The following DLG1 variants were observed in gnomAD, a reference collection of about 807,000 sequenced individuals.
DLG1 encodes disks large homolog 1.
DLG1 carries 42 observed loss-of-function variants against 123.4 expected under a neutral mutation model. The observed-to-expected ratio is 0.34, with a 90% confidence interval of 0.27 to 0.44. The LOEUF (loss-of-function observed/expected upper bound fraction) is 0.44, where lower values mean the gene tolerates loss of function less well. Among genes scored for constraint, DLG1 ranks in the 20% least tolerant of loss-of-function variants. The pLI is 1.00. For synonymous variants in DLG1, 317 were observed against 356.2 expected, an observed-to-expected ratio of 0.89 and a Z score of 1.24; for missense variants, 942 against 1,082.6, an observed-to-expected ratio of 0.87 and a Z score of 1.82.
intron 4 of DLG1, among the ~76,000 whole-genome samples, chr3:197,237,046 C>A (rs1283101428): frequency 6.6e-6 from 1 of 152,032 alleles, no homozygotes; most frequent in African/African-American, 2.4e-5. Context: ...AGCTCCTGCT[C>A]AGATCAGAAT....
chr3:197,071,867 T>C (rs540280369), intron 18 of DLG1, among the ~76,000 whole-genome samples: 5 of 152,294 alleles, frequency 3.3e-5, no homozygotes, highest in South Asian at 2.1e-4. Context: ...AGAAAACTAA[T>C]TGGCAATAGC....
intron 6 of DLG1, among the ~76,000 whole-genome samples, chr3:197,144,205 G>A (rs187300907): frequency 6.6e-6 from 1 of 152,192 alleles, no homozygotes; most frequent in Non-Finnish European, 1.5e-5. Flanking sequence ...TGGCACAAAT[G>A]ATGCTGTGTG....
intron 13 of DLG1, among the ~76,000 whole-genome samples, chr3:197,114,879 C>G (rs1467332939): frequency 6.7e-6 from 1 of 149,806 alleles, no homozygotes; most frequent in Non-Finnish European, 1.5e-5. Context: ...ACTAGGGAAG[C>G]TGAGGCAGGA....
intron 5 of DLG1, chr3:197,183,782 T>A (rs749799761): frequency 2.6e-6 from 4 of 1,550,198 alleles, no homozygotes; most frequent in South Asian, 2.4e-5. Context: ...AGTATAGAAG[T>A]GTGTTGTTTC....
intron 4 of DLG1, among the ~76,000 whole-genome samples, chr3:197,265,338 AGACT>A (rs1761211837): frequency 6.6e-6 from 1 of 152,194 alleles, no homozygotes; most frequent in Non-Finnish European, 1.5e-5. Flanking sequence ...ATAAAAAAAA[AGACT>A]GACTTTCAGA....
chr3:197,173,858 C>A (rs1053550213), intron 5 of DLG1, among the ~76,000 whole-genome samples: 1 of 152,162 alleles, frequency 6.6e-6, no homozygotes, highest in African/African-American at 2.4e-5. Context: ...AATCCCAACA[C>A]TTTGGGAGGC....
At chr3:197,179,667 T>C (rs1809059524) in intron 5 of DLG1, among the ~76,000 whole-genome samples, 3 of 152,210 alleles carry the variant, frequency 2.0e-5, no homozygotes, top group Non-Finnish European at 4.4e-5. Flanking sequence ...GATGCTGTCC[T>C]AAGTACTTTA....
chr3:197,187,837 C>A (rs566259019), intron 5 of DLG1, among the ~76,000 whole-genome samples: 4 of 152,102 alleles, frequency 2.6e-5, no homozygotes, highest in Admixed American at 6.6e-5. Flanking sequence ...TCCTTCTCTT[C>A]GACATTAAGA....
chr3:197,235,709 A>T (rs1745624740), intron 4 of DLG1, among the ~76,000 whole-genome samples: 1 of 152,234 alleles, frequency 6.6e-6, no homozygotes, highest in Non-Finnish European at 1.5e-5. Context: ...GTACTTAGGA[A>T]CACTCAATTA....
chr3:197,198,380 T>C (rs2150302327), intron 4 of DLG1, among the ~76,000 whole-genome samples: 1 of 150,696 alleles, frequency 6.6e-6, no homozygotes, highest in Admixed American at 6.7e-5. Flanking sequence ...CCCAACTACT[T>C]GGGAGGCTGA....
intron 6 of DLG1, among the ~76,000 whole-genome samples, chr3:197,146,730 T>G (rs1465749268): frequency 6.6e-6 from 1 of 152,192 alleles, no homozygotes; most frequent in Non-Finnish European, 1.5e-5. Flanking sequence ...TTCTAAACAT[T>G]GGCTTAGGCA....
At chr3:197,147,034 A>G (rs1160245509) in intron 6 of DLG1, among the ~76,000 whole-genome samples, 1 of 152,238 alleles carries the variant, frequency 6.6e-6, no homozygotes, top group East Asian at 1.9e-4. Flanking sequence ...GCTGACAAGC[A>G]TATGGAAAAG....
chr3:197,067,837 G>T (rs544049891), intron 19 of DLG1, among the ~76,000 whole-genome samples: 11 of 152,192 alleles, frequency 7.2e-5, no homozygotes, highest in Non-Finnish European at 1.3e-4. Context: ...GATTACAGGC[G>T]TGAGCCGCCG....
intron 5 of DLG1, among the ~76,000 whole-genome samples, chr3:197,187,248 T>C (rs999123569): frequency 3.3e-5 from 5 of 152,190 alleles, no homozygotes; most frequent in Admixed American, 1.3e-4. Context: ...TTTCTATATG[T>C]TCCAGAGATG....
At chr3:197,209,153 G>A (rs1042692087) in intron 4 of DLG1, among the ~76,000 whole-genome samples, 3 of 146,086 alleles carry the variant, frequency 2.1e-5, no homozygotes, top group East Asian at 3.9e-4. Flanking sequence ...CATGCAAAGC[G>A]AGAGATATAC....
chr3:197,087,365 C>A (rs1304600248), intron 15 of DLG1, among the ~76,000 whole-genome samples: 1 of 146,770 alleles, frequency 6.8e-6, no homozygotes, highest in African/African-American at 2.5e-5. Context: ...ATTAGAAATA[C>A]ATTGACTAAA....
chr3:197,084,991 T>C (rs889528423), intron 16 of DLG1, among the ~76,000 whole-genome samples: 1 of 151,594 alleles, frequency 6.6e-6, no homozygotes, highest in African/African-American at 2.4e-5. Flanking sequence ...TTCACCACGT[T>C]GGCCAGGCTC....
rs1256086650 is a variant in DLG1 at position 197,065,514 on chromosome 3, C to T, written c.2201-66G>A. On this transcript the variant is annotated intron_variant, in intron 21 of 24. Coordinates refer to ENST00000667157, the MANE Select transcript of DLG1 (RefSeq NM_001366207.1). ...AAAAAAACCACAATAAATCCATTTT[C>T]TACTTACATCGTTTTGTAAAGTTCA... The T allele has an allele frequency of 8.1e-6, 11 of 1,361,760 alleles. No homozygotes were observed. In the East Asian group the frequency reaches 1.2e-4, roughly 14 times the overall value. 84.4% of individuals were successfully genotyped at this position (1,361,760 alleles called of 1,614,324 possible). A position where few individuals can be genotyped will look rare whatever the true frequency, so the allele number is the denominator to read the frequency against.
intron 4 of DLG1, among the ~76,000 whole-genome samples, chr3:197,268,255 T>G (rs1369544130): frequency 3.3e-5 from 5 of 152,180 alleles, no homozygotes; most frequent in Non-Finnish European, 7.3e-5. Flanking sequence ...AATTCAAAAC[T>G]AATTGGGGGT....
Sources: allele counts gnomAD v4.1 joint callset (sites outside exome capture counted in the v4.1 genomes callset), GRCh38; gene constraint gnomAD v4.1.1; transcripts MANE v1.5; gene names NCBI Gene and HGNC (gene_info 2026-07-23, HGNC 2026-07-21).